PTPRT: variants seen among roughly 807,000 people sequenced by gnomAD.
The protein encoded by PTPRT is protein tyrosine phosphatase receptor type T, also known as receptor-type tyrosine-protein phosphatase T.
In PTPRT, 56 loss-of-function variants were observed where a neutral mutation model predicts 176.8. The ratio of observed to expected loss-of-function variants is 0.32; its 90% confidence interval spans 0.26 to 0.40. PTPRT has a LOEUF of 0.40. Ranked by LOEUF, PTPRT falls within the 10% of genes least tolerant of loss-of-function variation. The pLI is 1.00. For missense variants in PTPRT, 1,540 were observed against 1,908.2 expected, an observed-to-expected ratio of 0.81 and a Z score of 3.60; for synonymous variants, 783 against 739.0, an observed-to-expected ratio of 1.06 and a Z score of -0.96.
chr20:42,331,555 G>C (rs1352216707), intron 11 of PTPRT, among the ~76,000 whole-genome samples: 1 of 152,122 alleles, frequency 6.6e-6, no homozygotes, highest in Non-Finnish European at 1.5e-5. Flanking sequence ...TTATTTGCCA[G>C]ATAGGGCAAA....
At chr20:42,169,870 TGGGGGC>T (rs1175034668) in intron 16 of PTPRT, among the ~76,000 whole-genome samples, 1 of 149,736 alleles carries the variant, frequency 6.7e-6, no homozygotes, top group African/African-American at 2.5e-5. Flanking sequence ...TATGACTTGG[TGGGGGC>T]GGGGGCAGGG....
At chr20:43,098,037 C>G (rs889730334) in intron 1 of PTPRT, among the ~76,000 whole-genome samples, 3 of 152,214 alleles carry the variant, frequency 2.0e-5, no homozygotes, top group Admixed American at 2.0e-4. Flanking sequence ...TTCCATCCCC[C>G]GAAGCCACGT....
chr20:42,938,568 CCT>C (rs367995850), intron 1 of PTPRT, among the ~76,000 whole-genome samples: 1 of 152,230 alleles, frequency 6.6e-6, no homozygotes, highest in African/African-American at 2.4e-5. Context: ...TAAGTTCCTG[CCT>C]CTCTGCATTT....
At chr20:42,618,896 C>T (rs7361211) in intron 7 of PTPRT, among the ~76,000 whole-genome samples, 30,014 of 147,060 alleles carry the variant, frequency 0.2, 4,170 homozygotes, top group African/African-American at 0.41. Flanking sequence ...CTTTATCCAA[C>T]TTGCCAGTCT....
intron 26 of PTPRT, among the ~76,000 whole-genome samples, chr20:42,099,512 T>C (rs1031247922): frequency 8.8e-6 from 1 of 114,044 alleles, no homozygotes; most frequent in Non-Finnish European, 1.6e-5. Flanking sequence ...GTGTTGCAGA[T>C]AGGGAAACAG....
chr20:42,519,359 T>C (rs2072128288), intron 7 of PTPRT, among the ~76,000 whole-genome samples: 1 of 152,134 alleles, frequency 6.6e-6, no homozygotes, highest in South Asian at 2.1e-4. Context: ...TGTTTAACTA[T>C]TCACCCAAGG....
At chr20:42,177,074 T>C (rs374459304) in intron 16 of PTPRT, among the ~76,000 whole-genome samples, 1 of 152,256 alleles carries the variant, frequency 6.6e-6, no homozygotes, top group Non-Finnish European at 1.5e-5. Flanking sequence ...CCTTCACCTT[T>C]GTGGACCTTA....
At position 42,345,360 on chromosome 20, in the gene PTPRT, C is replaced by CAT. The variant is rs1165325987; in HGVS notation, c.1865+5266_1865+5267dup. Among the ~76,000 whole-genome samples the CAT allele has an allele frequency of 3.7e-4, 38 of 103,230 alleles. No individual in the cohort carries two copies. In the South Asian group the frequency reaches 8.2e-3, roughly 22 times the overall value. The allele number at this position is 103,230 out of a possible 152,430, so 67.7% of individuals were successfully genotyped here. A position where few individuals can be genotyped will look rare whatever the true frequency, so the allele number is the denominator to read the frequency against. ...TTTCAGAATAAGAGGTAGCTGAAGG[C>CAT]ATATATACACACACACACACACACA... On this transcript the variant is annotated intron_variant, in intron 11 of 30. Transcript: ENST00000373187.
intron 11 of PTPRT, among the ~76,000 whole-genome samples, chr20:42,325,060 G>C (rs2057862491): frequency 6.6e-6 from 1 of 152,142 alleles, no homozygotes; most frequent in Non-Finnish European, 1.5e-5. Context: ...ATGCAACCTG[G>C]CCACTGGGTA....
chr20:42,958,543 T>A (rs981764329), intron 1 of PTPRT, among the ~76,000 whole-genome samples: 1 of 151,568 alleles, frequency 6.6e-6, no homozygotes, highest in Non-Finnish European at 1.5e-5. Flanking sequence ...TCCAATCAAA[T>A]CATTTGCAGA....
At chr20:43,134,125 T>C (rs1254697127) in intron 1 of PTPRT, among the ~76,000 whole-genome samples, 3 of 152,152 alleles carry the variant, frequency 2.0e-5, no homozygotes, top group Non-Finnish European at 4.4e-5. Flanking sequence ...AAATCCAGTA[T>C]GGGAAATCTA....
At chr20:42,535,064 A>G (rs975155148) in intron 7 of PTPRT, among the ~76,000 whole-genome samples, 2 of 152,196 alleles carry the variant, frequency 1.3e-5, no homozygotes, top group African/African-American at 4.8e-5. Flanking sequence ...ACCTGCCTGA[A>G]GTCATATATA....
At chr20:42,156,116 C>A (rs1790992360) in intron 17 of PTPRT, among the ~76,000 whole-genome samples, 1 of 152,162 alleles carries the variant, frequency 6.6e-6, no homozygotes, top group South Asian at 2.1e-4. Flanking sequence ...ACGCCCTTCC[C>A]TTCTTTAATT....
intron 6 of PTPRT, among the ~76,000 whole-genome samples, chr20:42,724,147 T>G (rs183085471): frequency 6.6e-6 from 1 of 152,218 alleles, no homozygotes; most frequent in East Asian, 1.9e-4. Flanking sequence ...GGCAAAGCAA[T>G]AAAATCCTTG....
intron 15 of PTPRT, among the ~76,000 whole-genome samples, chr20:42,227,600 G>GTTTTTT (rs10854224): frequency 4.8e-5 from 3 of 61,868 alleles, no homozygotes; most frequent in Middle Eastern, 0.013. Flanking sequence ...GTCCCTCATT[G>GTTTTTT]TTTTTTTTTT....
chr20:43,121,836 T>C (rs1451572394), intron 1 of PTPRT, among the ~76,000 whole-genome samples: 2 of 152,242 alleles, frequency 1.3e-5, no homozygotes, highest in African/African-American at 4.8e-5. Flanking sequence ...ATGCCATCCA[T>C]AGAGAAGCTA....
intron 1 of PTPRT, among the ~76,000 whole-genome samples, chr20:43,043,413 T>C (rs144912361): frequency 6.6e-6 from 1 of 152,182 alleles, no homozygotes; most frequent in East Asian, 1.9e-4. Context: ...AAATAAGCAA[T>C]AGTTAGTATT....
chr20:43,091,450 C>G (rs2011850097), intron 1 of PTPRT, among the ~76,000 whole-genome samples: 1 of 150,526 alleles, frequency 6.6e-6, no homozygotes, highest in Non-Finnish European at 1.5e-5. Flanking sequence ...GTATTTCTCT[C>G]TCTCTCTCTC....
intron 26 of PTPRT, among the ~76,000 whole-genome samples, chr20:42,101,423 T>C (rs1002006676): frequency 1.3e-5 from 2 of 152,066 alleles, no homozygotes; most frequent in Non-Finnish European, 2.9e-5. Flanking sequence ...GGAGGGGAAG[T>C]GATGATAATC....
Sources: allele counts gnomAD v4.1 joint callset (sites outside exome capture counted in the v4.1 genomes callset), GRCh38; gene constraint gnomAD v4.1.1; transcripts MANE v1.5; gene names NCBI Gene and HGNC (gene_info 2026-07-23, HGNC 2026-07-21).